AMDHD2: variants seen among roughly 807,000 people sequenced by gnomAD.
AMDHD2 encodes the protein amidohydrolase domain containing 2.
In AMDHD2, 24 loss-of-function variants were observed where a neutral mutation model predicts 41.8. The ratio of observed to expected loss-of-function variants is 0.57; its 90% CI spans 0.42 to 0.81. The LOEUF (loss-of-function observed/expected upper bound fraction) is 0.81, where lower values mean the gene tolerates loss of function less well. AMDHD2 is among the 30% of genes least tolerant of loss of function. The pLI is 0.00. For synonymous variants in AMDHD2, 332 were observed against 255.5 expected (o/e 1.30, Z -2.85); for missense variants, 540 against 588.5 (o/e 0.92, Z 0.85).
Position 2,528,289 on chromosome 16 carries a change from C to T in AMDHD2, c.771C>T (p.Pro257=), listed in dbSNP as rs368849646. ...IVGLLTSDRL[P]AGRCIFYGMI... ...GGCTCCTGACCAGCGACCGGCTGCCCGCAGGCCGCTGCATCTTCTATGGGA... is the reference window on the plus strand; with the variant it reads ...GGCTCCTGACCAGCGACCGGCTGCCTGCAGGCCGCTGCATCTTCTATGGGA... Residue 257 remains proline (P), a synonymous_variant, in exon 7 of 11, where the codon CCC becomes CCT. Coordinates refer to ENST00000293971, the MANE Select transcript of AMDHD2 (RefSeq NM_001330449.2). The T allele has an allele frequency of 1.3e-4, 203 of 1,612,396 alleles. No homozygotes were observed. Among genetic ancestry groups the T allele is most frequent in the Non-Finnish European group, 1.5e-4 (180 of 1,179,930 alleles).
rs756616489 is a variant in AMDHD2, at chr16:2,530,836, G to A, written c.*1273G>A. ...GGGGCAGCCCAGGAAAGCAGGCGACGGATGTGGATCCTGACCTCCTGAGAG... is the reference window on the plus strand; with the variant it reads ...GGGGCAGCCCAGGAAAGCAGGCGACAGATGTGGATCCTGACCTCCTGAGAG... On this transcript the variant is annotated 3_prime_UTR_variant, in exon 11 of 11. Transcript: ENST00000293971. The A allele has an allele frequency of 2.7e-5, 44 of 1,613,652 alleles. No individual in the cohort carries two copies. In the East Asian group the frequency reaches 3.8e-4, roughly 14 times the overall value.
In AMDHD2 at chr16:2,530,226, T is replaced by C; in HGVS notation, c.*663T>C. The stretch of plus-strand genomic sequence containing the variant: ...ATGACCAGCGTTCTGTTTTCTCTTC[T>C]CAATAACCCTATCTCTTCACACATC... On this transcript the variant is annotated 3_prime_UTR_variant, in exon 11 of 11. Transcript: ENST00000293971. 1 of 1,564,230 alleles carries C rather than the reference T, an allele frequency of 6.4e-7. No homozygotes were observed. The highest frequency in any genetic ancestry group is 2.3e-5 in the East Asian group (1 of 43,330).
At chr16:2,528,958 C>G (rs2066046813) in intron 9 of AMDHD2, 36 bp from the exon 10 acceptor site, 12 of 1,551,374 alleles carry the variant, frequency 7.7e-6, no homozygotes, top group African/African-American at 2.7e-5. Flanking sequence ...GCCATGTGGG[C>G]TTGGGGACTG....
rs755074142 is a variant in AMDHD2 at position 2,521,054 on chromosome 16, G to A, written c.291G>A (p.Arg97=). ...VGSGVALVAR[R]ILSHGVTSFC... ...CGGGGGTTGCCCTCGTGGCCCGGAGGATCCTGTCGCACGGCGTCACCTCCT... is the reference window on the plus strand; with the variant it reads ...CGGGGGTTGCCCTCGTGGCCCGGAGAATCCTGTCGCACGGCGTCACCTCCT... The change falls in exon 3 of 11, where the codon AGG becomes AGA. Residue 97 remains arginine, a synonymous_variant. Coordinates refer to ENST00000293971, the MANE Select transcript of AMDHD2 (RefSeq NM_001330449.2). 7 of 1,611,090 alleles carry A rather than the reference G, an allele frequency of 4.3e-6. No homozygotes were observed. Among genetic ancestry groups the A allele is most frequent in the Non-Finnish European group, 5.1e-6 (6 of 1,178,422 alleles).
At position 2,520,865 on chromosome 16, in the gene AMDHD2, C is replaced by A. The variant is rs1001672285; in HGVS notation, c.180C>A (p.Gly60=). The A allele has an allele frequency of 6.2e-7, 1 of 1,610,944 alleles. No individual in the cohort carries two copies. The highest frequency in any genetic ancestry group is 8.5e-7 in the Non-Finnish European group (1 of 1,178,886). The change falls in exon 2 of 11, where the codon GGC becomes GGA. Residue 60 remains glycine (G), a synonymous_variant. Coordinates refer to ENST00000293971, the MANE Select transcript of AMDHD2 (RefSeq NM_001330449.2). ...RVADERRDCG[G]RILAPGFIDV... Reference sequence around the variant, plus strand: ...CCGACGAGCGGCGGGACTGCGGGGGCCGCATCTTGGCTCCCGGATTCATCG... The same window carrying A: ...CCGACGAGCGGCGGGACTGCGGGGGACGCATCTTGGCTCCCGGATTCATCG...
Position 2,520,549 on chromosome 16 carries a change from C to G in AMDHD2, c.83+8C>G. 1.7e-6 allele frequency: 2 copies of G among 1,147,066 alleles called. No homozygotes were observed. The highest frequency in any genetic ancestry group is 2.1e-6 in the Non-Finnish European group (2 of 930,876). The allele number at this position is 1,147,066 out of a possible 1,614,324, so 71.1% of individuals were successfully genotyped here. A position where few individuals can be genotyped will look rare whatever the true frequency, so the allele number is the denominator to read the frequency against. ...CGGAGGGAAACTGCTCAGGTGGGCG[C>G]GGGCCGGGGACTGCGGGGCTGGGGA... On this transcript the variant is annotated splice_region_variant and intron_variant, in intron 1 of 10. Coordinates refer to ENST00000293971, the MANE Select transcript of AMDHD2 (RefSeq NM_001330449.2).
At chr16:2,525,590 G>C (rs1233979772) in intron 3 of AMDHD2, among the ~76,000 whole-genome samples, 1 of 151,936 alleles carries the variant, frequency 6.6e-6, no homozygotes, top group Non-Finnish European at 1.5e-5. Context: ...TGTCACCCAG[G>C]CTGGAGTGCA....
chr16:2,529,850 T>A lies in AMDHD2; in HGVS notation c.*287T>A. The A allele has an allele frequency of 7.4e-7, 1 of 1,359,038 alleles. No individual in the cohort carries two copies. Among genetic ancestry groups the A allele is most frequent in the South Asian group, 1.6e-5 (1 of 62,550 alleles). 84.2% of individuals were successfully genotyped at this position (1,359,038 alleles called of 1,614,324 possible). A position where few individuals can be genotyped will look rare whatever the true frequency, so the allele number is the denominator to read the frequency against. On this transcript the variant is annotated 3_prime_UTR_variant, in exon 11 of 11. Transcript: ENST00000293971. ...CTGGGCTGTAGTTTAGCCTGGGCCT[T>A]GGGCCCCAGTGGGGGACAGGGCCTG... is the stretch of plus-strand genomic sequence containing the variant.
At chr16:2,525,074 C>T (rs1213839713) in intron 3 of AMDHD2, among the ~76,000 whole-genome samples, 1 of 151,584 alleles carries the variant, frequency 6.6e-6, no homozygotes, top group East Asian at 1.9e-4. Flanking sequence ...ATTTATTTTT[C>T]GAGATGGAGT....
At chr16:2,524,727 G>C (rs1397565894) in intron 3 of AMDHD2, among the ~76,000 whole-genome samples, 1 of 152,100 alleles carries the variant, frequency 6.6e-6, no homozygotes, top group African/African-American at 2.4e-5. Context: ...TGCGCCCGTA[G>C]CTCTAAAAAC....
intron 3 of AMDHD2, among the ~76,000 whole-genome samples, chr16:2,524,360 G>A (rs558401193): frequency 3.9e-5 from 6 of 152,188 alleles, no homozygotes; most frequent in Non-Finnish European, 7.3e-5. Flanking sequence ...CTTTAAGTCT[G>A]TTACCTCCTG....
Position 2,520,561 on chromosome 16 carries a change from T to TGCGGGGCTGGGGACC in AMDHD2, c.83+22_83+36dup. 3 of 1,108,636 alleles carry TGCGGGGCTGGGGACC rather than the reference T, an allele frequency of 2.7e-6. No homozygotes were observed. In the Admixed American group the frequency reaches 1.7e-4, roughly 61 times the overall value. The allele number at this position is 1,108,636 out of a possible 1,614,324, so 68.7% of individuals were successfully genotyped here. On this transcript the variant is annotated intron_variant, in intron 1 of 10. Transcript: ENST00000293971. ...GCTCAGGTGGGCGCGGGCCGGGGAC[T>TGCGGGGCTGGGGACC]GCGGGGCTGGGGACCGGGCGGGGTG...
chr16:2,528,965 A>G, intron 9 of AMDHD2, 29 bp from the exon 10 acceptor site: 5 of 1,554,932 alleles, frequency 3.2e-6, no homozygotes, highest in Non-Finnish European at 3.5e-6. Flanking sequence ...GGGCTTGGGG[A>G]CTGTCACCTA....
At chr16:2,529,415 C>G in intron 10 of AMDHD2, 60 bp from the exon 11 acceptor site, 1 of 1,598,884 alleles carries the variant, frequency 6.3e-7, no homozygotes, top group Non-Finnish European at 8.5e-7. Flanking sequence ...TGGGGAGCAG[C>G]TCTGGGGTAG....
chr16:2,528,407 G>A (rs2066036172), intron 7 of AMDHD2, 27 bp downstream of exon 7: 1 of 1,612,834 alleles, frequency 6.2e-7, no homozygotes, highest in Non-Finnish European at 8.5e-7. Flanking sequence ...GGCCAGGACA[G>A]GTAGGATGAC....
chr16:2,521,087 C>A lies in AMDHD2; in HGVS notation c.324C>A (p.Pro108=), dbSNP rs143432431. ...CGCACGGCGTCACCTCCTTCTGCCC[C>A]ACCCTGGTCACTTCCCCACCGGAGG... ...ILSHGVTSFC[P]TLVTSPPEVY... is the part of the protein sequence containing the mutation. The change falls in exon 3 of 11, where the codon CCC becomes CCA. Residue 108 remains proline (P), a synonymous_variant. Coordinates refer to ENST00000293971, the MANE Select transcript of AMDHD2 (RefSeq NM_001330449.2). 110 of 1,603,754 alleles carry A rather than the reference C, an allele frequency of 6.9e-5. No homozygotes were observed. The highest frequency in any genetic ancestry group is 9.2e-5 in the Non-Finnish European group (108 of 1,173,082).
chr16:2,529,831 T>TGTAGTTTAGCCTGGGCC lies in AMDHD2; in HGVS notation c.*269_*285dup. On this transcript the variant is annotated 3_prime_UTR_variant, in exon 11 of 11. Transcript: ENST00000293971. ...ACGGCCTGGGGTGGGATGGCTGGGCTGTAGTTTAGCCTGGGCCTTGGGCCC... is the reference window on the plus strand; with the variant it reads ...ACGGCCTGGGGTGGGATGGCTGGGCTGTAGTTTAGCCTGGGCCGTAGTTTAGCCTGGGCCTTGGGCCC... 1.1e-5 allele frequency: 15 copies of TGTAGTTTAGCCTGGGCC among 1,418,742 alleles called. No homozygotes were observed. Among genetic ancestry groups the TGTAGTTTAGCCTGGGCC allele is most frequent in the Non-Finnish European group, 1.4e-5 (15 of 1,087,600 alleles). 87.9% of individuals were successfully genotyped at this position (1,418,742 alleles called of 1,614,324 possible).
At chr16:2,520,717 G>C in intron 1 of AMDHD2, 52 bp from the exon 2 acceptor site, 1 of 1,477,232 alleles carries the variant, frequency 6.8e-7, no homozygotes, top group Non-Finnish European at 9.0e-7. Flanking sequence ...GGTGCAGGGT[G>C]CGGGGCCGAG....
rs573647417 is a variant in AMDHD2 at position 2,529,984 on chromosome 16, G to T, written c.*421G>T. The T allele has an allele frequency of 3.1e-4, 228 of 742,478 alleles. No individual in the cohort carries two copies. The highest frequency in any genetic ancestry group is 6.4e-4 in the Admixed American group (21 of 32,710). The allele number at this position is 742,478 out of a possible 1,614,324, so 46.0% of individuals were successfully genotyped here. A position where few individuals can be genotyped will look rare whatever the true frequency, so the allele number is the denominator to read the frequency against. On this transcript the variant is annotated 3_prime_UTR_variant, in exon 11 of 11. Transcript: ENST00000293971. ...CATGGGGTGAAGCCACCATGGGCTG[G>T]GGGTGAAGAGCCGGCAGGAAGGGGA...
Sources: allele counts gnomAD v4.1 joint callset (sites outside exome capture counted in the v4.1 genomes callset), GRCh38; gene constraint gnomAD v4.1.1; transcripts MANE v1.5; gene names NCBI Gene and HGNC (gene_info 2026-07-23, HGNC 2026-07-21).